The following PELI1 variants were observed in gnomAD, a reference collection of about 807,000 sequenced individuals.
PELI1 encodes pellino E3 ubiquitin protein ligase 1.
In PELI1, 15 loss-of-function variants were observed where a neutral mutation model predicts 41.3. That is an observed-to-expected ratio of 0.36 (90% CI 0.24 to 0.56). The LOEUF is 0.56. PELI1 is among the 20% of genes least tolerant of loss of function. PELI1 has a pLI of 0.82. For missense variants in PELI1, 403 were observed against 525.5 expected, an observed-to-expected ratio of 0.77 and a Z score of 2.28; for synonymous variants, 178 against 180.1, an observed-to-expected ratio of 0.99 and a Z score of 0.09.
At chr2:64,104,278 C>G (rs1420333090) in intron 3 of PELI1, among the ~76,000 whole-genome samples, 2 of 152,078 alleles carry the variant, frequency 1.3e-5, no homozygotes, top group African/African-American at 4.8e-5. Context: ...TAAAAATTAC[C>G]TCATCCAAAT....
rs1426967976 is a variant in PELI1 at position 64,125,092 on chromosome 2, CGG to C, written c.-69-16715_-69-16714del. ...AGGGCAAGGTATGTGGGGGTGGGGG[CGG>C]GGGCGCGGGGAGGGTAGAGCAGTGG... On this transcript the variant is annotated intron_variant, in intron 1 of 6. Transcript: ENST00000358912. Among the ~76,000 whole-genome samples the C allele has an allele frequency of 1.8e-4, 7 of 38,522 alleles. No homozygotes were observed. The Admixed American group carries it at 1.9e-3, about 10-fold the overall frequency. 25.3% of individuals were successfully genotyped at this position (38,522 alleles called of 152,430 possible). A position where few individuals can be genotyped will look rare whatever the true frequency, so the allele number is the denominator to read the frequency against.
chr2:64,135,242 A>T (rs985961156), intron 1 of PELI1, among the ~76,000 whole-genome samples: 1 of 152,156 alleles, frequency 6.6e-6, no homozygotes, highest in African/African-American at 2.4e-5. Flanking sequence ...GGATGGATGC[A>T]GGATTAACTC....
chr2:64,116,036 G>C (rs1680979200), intron 1 of PELI1, among the ~76,000 whole-genome samples: 2 of 152,114 alleles, frequency 1.3e-5, no homozygotes, highest in African/African-American at 4.8e-5. Flanking sequence ...AGGAACCTAA[G>C]GGTGGAAAAT....
chr2:64,144,378 GC>G lies in PELI1; in HGVS notation c.-368del, dbSNP rs1682041314. 6.6e-6 allele frequency: 1 copy of G among 152,016 alleles called. No homozygotes were observed. The highest frequency in any genetic ancestry group is 1.5e-5 in the Non-Finnish European group (1 of 68,114). The allele number at this position is 152,016 out of a possible 1,614,324, so 9.4% of individuals were successfully genotyped here. A position where few individuals can be genotyped will look rare whatever the true frequency, so the allele number is the denominator to read the frequency against. The stretch of plus-strand genomic sequence containing the variant: ...TGCTGCTAGTGGAGGCGGCGGCGGC[GC>G]CCCCCGACGGTCCCTCCGCCTCACA... On this transcript the variant is annotated 5_prime_UTR_variant, in exon 1 of 7. Coordinates refer to ENST00000358912, the MANE Select transcript of PELI1 (RefSeq NM_020651.4).
chr2:64,121,289 T>C (rs1681201268), intron 1 of PELI1, among the ~76,000 whole-genome samples: 5 of 152,184 alleles, frequency 3.3e-5, no homozygotes, highest in Admixed American at 2.0e-4. Context: ...TCATACTAAA[T>C]AGAATGTAGT....
intron 1 of PELI1, among the ~76,000 whole-genome samples, chr2:64,129,554 G>A (rs1234821756): frequency 6.6e-6 from 1 of 151,918 alleles, no homozygotes; most frequent in Non-Finnish European, 1.5e-5. Flanking sequence ...TTCAAAAAGA[G>A]GACTTTATTT....
intron 3 of PELI1, among the ~76,000 whole-genome samples, chr2:64,102,161 C>A (rs1445312906): frequency 1.3e-5 from 2 of 152,050 alleles, no homozygotes; most frequent in Non-Finnish European, 2.9e-5. Context: ...ACTACAGATA[C>A]AATTGAGGCT....
chr2:64,095,855 C>A (rs1035575263), intron 6 of PELI1, among the ~76,000 whole-genome samples: 3 of 152,156 alleles, frequency 2.0e-5, no homozygotes, highest in African/African-American at 7.2e-5. Context: ...GTGGCTCAGG[C>A]TGGTCTCGAA....
intron 1 of PELI1, among the ~76,000 whole-genome samples, chr2:64,142,422 C>T (rs1681941378): frequency 6.6e-6 from 1 of 152,092 alleles, no homozygotes; most frequent in South Asian, 2.1e-4. Context: ...AAACTATTCA[C>T]TATTACTACA....
intron 1 of PELI1, among the ~76,000 whole-genome samples, chr2:64,129,371 G>A (rs1681482702): frequency 6.6e-6 from 1 of 152,122 alleles, no homozygotes; most frequent in Non-Finnish European, 1.5e-5. Context: ...AACATAAAGG[G>A]AGGCATTTTA....
intron 1 of PELI1, among the ~76,000 whole-genome samples, chr2:64,143,025 G>A (rs965802040): frequency 6.6e-6 from 1 of 152,178 alleles, no homozygotes; most frequent in African/African-American, 2.4e-5. Context: ...TATACTGTTT[G>A]ATGACTAAAC....
chr2:64,137,850 A>C (rs1681767665), intron 1 of PELI1, among the ~76,000 whole-genome samples: 1 of 152,202 alleles, frequency 6.6e-6, no homozygotes, highest in Admixed American at 6.5e-5. Context: ...TGTGGCTCTT[A>C]AACTGGCTTA....
intron 4 of PELI1, among the ~76,000 whole-genome samples, chr2:64,097,469 G>A (rs1414680526): frequency 6.6e-6 from 1 of 152,176 alleles, no homozygotes; most frequent in Admixed American, 6.5e-5. Flanking sequence ...TCCCAGATAA[G>A]AGTTCTGGAT....
intron 1 of PELI1, among the ~76,000 whole-genome samples, chr2:64,113,089 G>T (rs370980479): frequency 8.6e-5 from 13 of 151,446 alleles, no homozygotes; most frequent in African/African-American, 3.2e-4. Flanking sequence ...ACCAGCCTGC[G>T]CAACATAGTA....
rs538927767 is a variant in PELI1 at position 64,107,409 on chromosome 2, C to T, written c.71+831G>A. Among the ~76,000 whole-genome samples, 10 of 152,262 alleles carry T rather than the reference C, an allele frequency of 6.6e-5. No individual in the cohort carries two copies. In the East Asian group the frequency reaches 1.3e-3, roughly 21 times the overall value. On this transcript the variant is annotated intron_variant, in intron 2 of 6. Transcript: ENST00000358912. ...TCTGTGAGTTACATGGATGAAATTA[C>T]GTTAGGAGCTAAGAAGTAGCTAGGT...
chr2:64,096,067 T>C lies in PELI1; in HGVS notation c.690+58A>G, dbSNP rs375120315. ...TCTGGAATGTATGTAATGCATTCAG[T>C]TCTACTCATCCTATGTGTTTATTGT... On this transcript the variant is annotated intron_variant, in intron 6 of 6. Transcript: ENST00000358912. 5.1e-5 allele frequency: 61 copies of C among 1,189,224 alleles called. No homozygotes were observed. In the East Asian group the frequency reaches 1.1e-3, roughly 22 times the overall value. 73.7% of individuals were successfully genotyped at this position (1,189,224 alleles called of 1,614,324 possible). A position where few individuals can be genotyped will look rare whatever the true frequency, so the allele number is the denominator to read the frequency against.
At chr2:64,126,921 G>A (rs1314209221) in intron 1 of PELI1, among the ~76,000 whole-genome samples, 1 of 152,158 alleles carries the variant, frequency 6.6e-6, no homozygotes, top group African/African-American at 2.4e-5. Context: ...CCTGGAGTTT[G>A]GTTAGGAGAT....
intron 1 of PELI1, among the ~76,000 whole-genome samples, chr2:64,132,421 G>A (rs189120506): frequency 2.0e-5 from 3 of 152,278 alleles, no homozygotes; most frequent in African/African-American, 7.2e-5. Flanking sequence ...TTTTGGATAA[G>A]GGATTTAATA....
intron 4 of PELI1, among the ~76,000 whole-genome samples, chr2:64,098,618 G>A (rs1680320300): frequency 6.6e-6 from 1 of 152,172 alleles, no homozygotes; most frequent in Non-Finnish European, 1.5e-5. Flanking sequence ...GATTTACAGG[G>A]TCAGTACAGC....
Sources: allele counts gnomAD v4.1 joint callset (sites outside exome capture counted in the v4.1 genomes callset), GRCh38; gene constraint gnomAD v4.1.1; transcripts MANE v1.5; gene names NCBI Gene and HGNC (gene_info 2026-07-23, HGNC 2026-07-21).